KIF13A: variants seen among roughly 807,000 people sequenced by gnomAD.
KIF13A encodes kinesin-like protein KIF13A.
KIF13A carries 79 observed loss-of-function variants against 212.2 expected under a neutral mutation model. The ratio of observed to expected loss-of-function variants is 0.37; its 90% CI spans 0.31 to 0.45. The LOEUF (loss-of-function observed/expected upper bound fraction) is 0.45. Ranked by LOEUF, KIF13A falls within the 20% of genes least tolerant of loss-of-function variation. The probability of loss-of-function intolerance (pLI) is 1.00; values close to 1 mark genes in which losing one functional copy is unlikely to be tolerated. For synonymous variants in KIF13A, 789 were observed against 808.6 expected (o/e 0.98, Z 0.41); for missense variants, 1,901 against 2,209.0 (o/e 0.86, Z 2.79).
chr6:17,911,557 A>G (rs1774061147), intron 2 of KIF13A, among the ~76,000 whole-genome samples: 1 of 152,208 alleles, frequency 6.6e-6, no homozygotes, highest in South Asian at 2.1e-4. Flanking sequence ...CTTTCTTTAC[A>G]AACATCACAT....
Position 17,850,773 on chromosome 6 carries a change from C to A in KIF13A, c.583-316G>T, listed in dbSNP as rs1562054611. On this transcript the variant is annotated intron_variant, in intron 7 of 38. Coordinates refer to ENST00000259711, the MANE Select transcript of KIF13A (RefSeq NM_022113.6). This position sits in a 1 kb window ranked among gnomAD's most constrained non-coding sequence, Gnocchi z 6.2. Reference sequence around the variant, plus strand: ...CTCCGATAATCAATAATAGCAGTGACTTGATTTAACTCTTACTCTCCTGTG... The same window carrying A: ...CTCCGATAATCAATAATAGCAGTGAATTGATTTAACTCTTACTCTCCTGTG... Among the ~76,000 whole-genome samples the A allele has an allele frequency of 6.6e-6, 1 of 152,148 alleles. No individual in the cohort carries two copies.
intron 17 of KIF13A, chr6:17,815,604 T>C: frequency 2.3e-6 from 1 of 441,988 alleles, no homozygotes; most frequent in Non-Finnish European, 4.6e-6. Context: ...CTTCAGCTCC[T>C]ATCTCTGTAT....
chr6:17,832,577 G>A (rs1389014970), intron 12 of KIF13A, among the ~76,000 whole-genome samples: 1 of 151,984 alleles, frequency 6.6e-6, no homozygotes, highest in Admixed American at 6.6e-5. Flanking sequence ...GGCGGAGGTT[G>A]CAGTGAGCCA....
chr6:17,839,766 G>C lies in KIF13A; in HGVS notation c.831-2183C>G, dbSNP rs10755818. ...CACGTGAAGATGCAGGCAGAGACTGGAGTGATGCATCTACAAGACAGGGAA... is the reference window on the plus strand; with the variant it reads ...CACGTGAAGATGCAGGCAGAGACTGCAGTGATGCATCTACAAGACAGGGAA... On this transcript the variant is annotated intron_variant, in intron 9 of 38. Coordinates refer to ENST00000259711, the MANE Select transcript of KIF13A (RefSeq NM_022113.6). The surrounding 1 kb of genome is among the most constrained non-coding windows in gnomAD (Gnocchi z 4.3). Among the ~76,000 whole-genome samples the C allele has an allele frequency of 0.28, 42,087 of 151,952 alleles. 5,949 individuals are homozygous for C. Among genetic ancestry groups the C allele is most frequent in the Admixed American group, 0.35 (5,364 of 15,264 alleles).
chr6:17,935,150 CAT>C (rs1776349573), intron 2 of KIF13A, among the ~76,000 whole-genome samples: 1 of 152,190 alleles, frequency 6.6e-6, no homozygotes, highest in Non-Finnish European at 1.5e-5. Flanking sequence ...TTCTCTCTCT[CAT>C]GAGTGGGATT....
intron 4 of KIF13A, among the ~76,000 whole-genome samples, chr6:17,858,083 G>C (rs965153587): frequency 3.4e-5 from 1 of 29,320 alleles, no homozygotes; most frequent in East Asian, 1.7e-3. Context: ...AAATAGTTAT[G>C]TGTGTGTGTG....
intron 22 of KIF13A, among the ~76,000 whole-genome samples, chr6:17,798,372 G>A (rs1008507569): frequency 2.0e-5 from 3 of 152,042 alleles, no homozygotes; most frequent in African/African-American, 7.2e-5. Flanking sequence ...AAAGAAAGAT[G>A]GGGAATATTT....
At chr6:17,952,085 T>C (rs1030932355) in intron 2 of KIF13A, among the ~76,000 whole-genome samples, 3 of 151,116 alleles carry the variant, frequency 2.0e-5, no homozygotes, top group Non-Finnish European at 4.4e-5. Context: ...GGGCAGATCA[T>C]GAGGTCAGGA....
chr6:17,941,275 C>A (rs1776937720), intron 2 of KIF13A, among the ~76,000 whole-genome samples: 1 of 152,080 alleles, frequency 6.6e-6, no homozygotes, highest in South Asian at 2.1e-4. Flanking sequence ...TGAACTCTGC[C>A]CTAATTATAT....
chr6:17,792,378 A>G (rs573787312), intron 25 of KIF13A, among the ~76,000 whole-genome samples: 15 of 152,188 alleles, frequency 9.9e-5, no homozygotes, highest in African/African-American at 3.4e-4. Flanking sequence ...GTGGACAGGG[A>G]CCTCAGAGGA....
Position 17,794,719 on chromosome 6 carries a change from T to C in KIF13A, c.2943-15A>G, listed in dbSNP as rs771379993. 1 of 1,602,244 alleles carries C rather than the reference T, an allele frequency of 6.2e-7. No individual in the cohort carries two copies. The highest frequency in any genetic ancestry group is 1.3e-5 in the African/African-American group (1 of 74,284). ...CTTCATTCCACCTGCAGAAACACATTCCAACAAGCAAGAGCGTCATCGTCC... is the reference window on the plus strand; with the variant it reads ...CTTCATTCCACCTGCAGAAACACATCCCAACAAGCAAGAGCGTCATCGTCC... On this transcript the variant is annotated splice_polypyrimidine_tract_variant and intron_variant, in intron 23 of 38. Coordinates refer to ENST00000259711, the MANE Select transcript of KIF13A (RefSeq NM_022113.6). This position sits in a 1 kb window ranked among gnomAD's most constrained non-coding sequence, Gnocchi z 4.1.
Position 17,850,598 on chromosome 6 carries a change from T to C in KIF13A, c.583-141A>G. On this transcript the variant is annotated intron_variant, in intron 7 of 38. Coordinates refer to ENST00000259711, the MANE Select transcript of KIF13A (RefSeq NM_022113.6). This position sits in a 1 kb window ranked among gnomAD's most constrained non-coding sequence, Gnocchi z 6.2. ...AGAAACCTCCCTGCCGCTCCTCCAT[T>C]GAGCATGGTTTGAGCTTCCACCTCA... The C allele has an allele frequency of 1.3e-6, 1 of 765,184 alleles. No homozygotes were observed. The highest frequency in any genetic ancestry group is 2.0e-6 in the Non-Finnish European group (1 of 502,038). 47.4% of individuals were successfully genotyped at this position (765,184 alleles called of 1,614,324 possible). A position where few individuals can be genotyped will look rare whatever the true frequency, so the allele number is the denominator to read the frequency against.
chr6:17,760,273 T>C (rs1758531152), downstream of KIF13A: 2 of 152,332 alleles, frequency 1.3e-5, no homozygotes, highest in Admixed American at 6.5e-5. Flanking sequence ...TGCAAGCTCA[T>C]TCTTAGGCAA....
At chr6:17,970,169 G>A (rs1055466270) in intron 2 of KIF13A, among the ~76,000 whole-genome samples, 4 of 152,038 alleles carry the variant, frequency 2.6e-5, no homozygotes, top group South Asian at 2.1e-4. Context: ...TGATCCGCCC[G>A]CCTCAGCCTC....
At chr6:17,863,436 T>C (rs1769042187) in intron 4 of KIF13A, among the ~76,000 whole-genome samples, 1 of 151,620 alleles carries the variant, frequency 6.6e-6, no homozygotes. Flanking sequence ...AAAAACTATA[T>C]CAGCAAAACT....
At chr6:17,863,209 C>A (rs140304104) in intron 4 of KIF13A, among the ~76,000 whole-genome samples, 3 of 152,042 alleles carry the variant, frequency 2.0e-5, no homozygotes, top group Non-Finnish European at 4.4e-5. Context: ...AAAATATTAC[C>A]GACCAAATAT....
intron 6 of KIF13A, among the ~76,000 whole-genome samples, chr6:17,853,436 C>T (rs772087292): frequency 1.4e-4 from 21 of 152,176 alleles, no homozygotes; most frequent in Non-Finnish European, 2.4e-4. Flanking sequence ...TAACAGTTTG[C>T]GCAATTAAAT....
intron 20 of KIF13A, among the ~76,000 whole-genome samples, chr6:17,800,603 ATT>A (rs35331549): frequency 1.5e-5 from 2 of 137,808 alleles, no homozygotes; most frequent in Non-Finnish European, 1.5e-5. Context: ...CGCCCAGCTA[ATT>A]TTTTTTTTTT....
chr6:17,773,270 T>C lies in KIF13A; in HGVS notation c.4324+208A>G, dbSNP rs1021727100. Among the ~76,000 whole-genome samples the C allele has an allele frequency of 6.6e-6, 1 of 152,200 alleles. No individual in the cohort carries two copies. The highest frequency in any genetic ancestry group is 1.5e-5 in the Non-Finnish European group (1 of 68,026). On this transcript the variant is annotated intron_variant, in intron 36 of 38. Coordinates refer to ENST00000259711, the MANE Select transcript of KIF13A (RefSeq NM_022113.6). This position sits in a 1 kb window ranked among gnomAD's most constrained non-coding sequence, Gnocchi z 4.2. Reference sequence around the variant, plus strand: ...TCTAAAGTAATACACAAAAAGTCTATGATTATTTGGGTGATATGTTGGATA... The same window carrying C: ...TCTAAAGTAATACACAAAAAGTCTACGATTATTTGGGTGATATGTTGGATA...
Sources: allele counts gnomAD v4.1 joint callset (sites outside exome capture counted in the v4.1 genomes callset), GRCh38; gene constraint gnomAD v4.1.1; non-coding constraint Gnocchi (gnomAD v3.1); transcripts MANE v1.5; gene names NCBI Gene and HGNC (gene_info 2026-07-23, HGNC 2026-07-21).